LAMA1: variants seen among roughly 807,000 people sequenced by gnomAD.
The protein encoded by LAMA1 is laminin subunit alpha-1.
LAMA1 carries 219 observed loss-of-function variants against 348.7 expected under a neutral mutation model. That is an observed-to-expected ratio of 0.63 (90% confidence interval 0.56 to 0.70). The LOEUF is 0.70. Ranked by LOEUF, LAMA1 falls within the 30% of genes least tolerant of loss-of-function variation. LAMA1 has a pLI of 0.00. For missense variants in LAMA1, 3,744 were observed against 3,888.0 expected (o/e 0.96, Z 0.99); for synonymous variants, 1,487 against 1,491.0 (o/e 1.00, Z 0.06).
intron 1 of LAMA1, among the ~76,000 whole-genome samples, chr18:7,114,670 T>C (rs2058348879): frequency 6.6e-6 from 1 of 152,304 alleles, no homozygotes; most frequent in African/African-American, 2.4e-5. Flanking sequence ...TGTCCCCAAT[T>C]TGCCATAGCT....
At chr18:7,085,706 C>T (rs12327100) in intron 1 of LAMA1, among the ~76,000 whole-genome samples, 30 of 152,238 alleles carry the variant, frequency 2.0e-4, no homozygotes, top group Admixed American at 1.2e-3. Context: ...GCGTGAGCCA[C>T]CGCTCCTGGC....
At chr18:6,950,019 A>G (rs934456605) in intron 58 of LAMA1, among the ~76,000 whole-genome samples, 1 of 152,120 alleles carries the variant, frequency 6.6e-6, no homozygotes, top group Non-Finnish European at 1.5e-5. Context: ...ATTGCCCCAT[A>G]TAGATAACAT....
intron 54 of LAMA1, among the ~76,000 whole-genome samples, chr18:6,958,918 CT>C (rs767578729): frequency 9.7e-4 from 143 of 147,272 alleles, no homozygotes; most frequent in African/African-American, 2.8e-3. Flanking sequence ...TTTTCTTTTT[CT>C]TTTTTTTTTA....
At chr18:7,015,003 C>T (rs538246915) in intron 22 of LAMA1, among the ~76,000 whole-genome samples, 8 of 151,874 alleles carry the variant, frequency 5.3e-5, no homozygotes, top group Admixed American at 2.0e-4. Context: ...CCCATCACCA[C>T]GCCCAGCTAA....
chr18:7,117,271 C>G (rs906873053), intron 1 of LAMA1, among the ~76,000 whole-genome samples: 2 of 151,830 alleles, frequency 1.3e-5, no homozygotes, highest in Non-Finnish European at 2.9e-5. Flanking sequence ...CCCGCCACCC[C>G]CGCCCGCGCA....
chr18:7,098,662 A>C (rs1393770266), intron 1 of LAMA1, among the ~76,000 whole-genome samples: 2 of 145,270 alleles, frequency 1.4e-5, no homozygotes, highest in Non-Finnish European at 3.0e-5. Flanking sequence ...GCAGCCACCC[A>C]GTCTGGGAAG....
intron 27 of LAMA1, 29 bp from the exon 28 acceptor site, chr18:7,008,637 A>G (rs1035847727): frequency 6.2e-7 from 1 of 1,612,866 alleles, no homozygotes; most frequent in East Asian, 2.2e-5. Context: ...AAGAGAGGAA[A>G]CGCTAACATT....
chr18:7,089,978 T>C (rs1236445201), intron 1 of LAMA1, among the ~76,000 whole-genome samples: 3 of 152,176 alleles, frequency 2.0e-5, no homozygotes, highest in Non-Finnish European at 4.4e-5. Flanking sequence ...AAATTAAGTA[T>C]ACATGAACAT....
chr18:6,950,872 G>C lies in LAMA1; in HGVS notation c.8307C>G (p.His2769Gln), dbSNP rs148724560. 9 of 1,614,092 alleles carry C rather than the reference G, an allele frequency of 5.6e-6. No homozygotes were observed. In the South Asian group the frequency reaches 9.9e-5, roughly 18 times the overall value. Residue 2769 changes from histidine (H) to glutamine (Q), a missense_variant, in exon 58 of 63, where the codon CAC becomes CAG. Around this residue, in one of 3 missense-constraint regions of LAMA1, gnomAD observed 1,983 missense variants for 1,934.3 expected, o/e 1.03. Transcript: ENST00000389658. ...CAAACATGAAGTGGAGGCGGCCCCC[G>C]TGCAGCTGGAGCACAGCGTAGTCTG... ...NQADYAVLQL[H>Q]GGRLHFMFDL...
rs776282070 is a variant in LAMA1 at position 7,049,092 on chromosome 18, T to A, written c.754A>T (p.Ile252Phe). Reference sequence around the variant, plus strand: ...CCCATACTCACGCGTCTGGTAACAATAGGATCCAGTTCTTTAGGTTCCCGG... The same window carrying A: ...CCCATACTCACGCGTCTGGTAACAAAAGGATCCAGTTCTTTAGGTTCCCGG... ...SHREPKELDPIVTRRYYYSIK... is the reference protein window; with the variant it reads ...SHREPKELDPFVTRRYYYSIK... The change falls in exon 5 of 63, where the codon ATT becomes TTT. Residue 252 changes from isoleucine (I) to phenylalanine (F), a missense_variant. By Grantham distance (21) the Ile-to-Phe change is conservative. Around this residue, in one of 3 missense-constraint regions of LAMA1, gnomAD observed 1,529 missense variants for 1,689.4 expected, o/e 0.91. Transcript: ENST00000389658. The A allele has an allele frequency of 6.2e-7, 1 of 1,613,980 alleles. No homozygotes were observed. Among genetic ancestry groups the A allele is most frequent in the Non-Finnish European group, 8.5e-7 (1 of 1,179,990 alleles).
Position 7,040,252 on chromosome 18 carries a change from TG to T in LAMA1, c.1262-17del. ...GGCTGCTTCCCTAGAAAGACAACAA[TG>T]GCAATGACCCAACATGAAGGCAAAA... is the stretch of plus-strand genomic sequence containing the variant. On this transcript the variant is annotated splice_polypyrimidine_tract_variant and intron_variant, in intron 9 of 62. Coordinates refer to ENST00000389658, the MANE Select transcript of LAMA1 (RefSeq NM_005559.4). 6.2e-7 allele frequency: 1 copy of T among 1,613,844 alleles called. No homozygotes were observed. Among genetic ancestry groups the T allele is most frequent in the Non-Finnish European group, 8.5e-7 (1 of 1,179,940 alleles).
chr18:7,112,645 T>C (rs1392110838), intron 1 of LAMA1, among the ~76,000 whole-genome samples: 2 of 150,464 alleles, frequency 1.3e-5, no homozygotes, highest in Non-Finnish European at 3.0e-5. Context: ...ATATACATTT[T>C]TTTTTTTTGA....
At chr18:7,115,813 A>C (rs71360065) in intron 1 of LAMA1, among the ~76,000 whole-genome samples, 29 of 118,880 alleles carry the variant, frequency 2.4e-4, no homozygotes, top group African/African-American at 1.1e-3. Context: ...CACTAAAAAT[A>C]CAAAAAAAAA....
At chr18:6,955,508 C>T (rs758326466) in intron 56 of LAMA1, 43 bp from the exon 57 acceptor site, 49 of 1,444,226 alleles carry the variant, frequency 3.4e-5, no homozygotes, top group Admixed American at 1.2e-4. Flanking sequence ...ACCCGCAGCC[C>T]GAACCCCACT....
intron 61 of LAMA1, among the ~76,000 whole-genome samples, chr18:6,945,414 G>A (rs765911551): frequency 1.3e-5 from 2 of 152,186 alleles, no homozygotes; most frequent in Non-Finnish European, 2.9e-5. Context: ...ATATCCTAGG[G>A]GTCAAAACCC....
At position 6,948,478 on chromosome 18, in the gene LAMA1, C is replaced by T; in HGVS notation, c.8635G>A (p.Ala2879Thr). Residue 2879 changes from alanine (A) to threonine (T), a missense_variant, in exon 60 of 63, where the codon GCC becomes ACC. Ala to Thr is a moderately conservative substitution (Grantham distance 58, BLOSUM62 0). Around this residue, in one of 3 missense-constraint regions of LAMA1, gnomAD observed 232 missense variants for 264.4 expected, o/e 0.88. Transcript: ENST00000389658. The stretch of plus-strand genomic sequence containing the variant: ...GCGTAGCACCTGTTCACCGTGAAGG[C>T]AGACACCGGGCTGTCCTTGTCCAGC... ...KQLDKDSPVSAFTVNRCYAVA... is the reference protein window; with the variant it reads ...KQLDKDSPVSTFTVNRCYAVA... The T allele has an allele frequency of 1.2e-6, 2 of 1,614,184 alleles. No homozygotes were observed. The highest frequency in any genetic ancestry group is 1.7e-6 in the Non-Finnish European group (2 of 1,180,034).
At chr18:7,089,783 A>C (rs2058232477) in intron 1 of LAMA1, among the ~76,000 whole-genome samples, 1 of 152,222 alleles carries the variant, frequency 6.6e-6, no homozygotes, top group Non-Finnish European at 1.5e-5. Context: ...CTGTGAACAC[A>C]TAGGAAAGGT....
chr18:7,002,686 T>A (rs1237807638), intron 29 of LAMA1, among the ~76,000 whole-genome samples: 1 of 152,136 alleles, frequency 6.6e-6, no homozygotes, highest in African/African-American at 2.4e-5. Context: ...AAACACAGAT[T>A]TAAAATATTT....
intron 51 of LAMA1, among the ~76,000 whole-genome samples, chr18:6,963,429 G>A (rs2057617906): frequency 6.6e-6 from 1 of 152,222 alleles, no homozygotes; most frequent in African/African-American, 2.4e-5. Context: ...CAACTCCGCT[G>A]AGGTTTAAAT....
Sources: allele counts gnomAD v4.1 joint callset (sites outside exome capture counted in the v4.1 genomes callset), GRCh38; gene constraint gnomAD v4.1.1; regional missense constraint gnomAD v4.1.1; transcripts MANE v1.5; gene names NCBI Gene and HGNC (gene_info 2026-07-23, HGNC 2026-07-21).